Variants in CREB5 observed in about 807,000 individuals in gnomAD.
The protein encoded by CREB5 is cAMP responsive element binding protein 5.
Under a neutral mutation model 57.1 loss-of-function variants are expected in CREB5, and 19 were observed. The observed-to-expected ratio is 0.33, with a 90% CI of 0.23 to 0.49. The LOEUF is 0.49. CREB5 is among the 20% of genes least tolerant of loss of function. The pLI is 0.99. For synonymous variants in CREB5, 238 were observed against 238.3 expected (o/e 1.00, Z 0.01); for missense variants, 579 against 671.6 (o/e 0.86, Z 1.52).
chr7:28,675,888 A>G (rs1457357713), intron 5 of CREB5, among the ~76,000 whole-genome samples: 1 of 152,180 alleles, frequency 6.6e-6, no homozygotes, highest in Non-Finnish European at 1.5e-5. Context: ...CATTTTTACC[A>G]AATGGAAAGG....
chr7:28,651,148 A>G (rs1173006540), intron 5 of CREB5, among the ~76,000 whole-genome samples: 1 of 152,210 alleles, frequency 6.6e-6, no homozygotes, highest in Non-Finnish European at 1.5e-5. Context: ...ATTAACCTGT[A>G]AAACCAATAT....
At chr7:28,339,240 G>A (rs996573494) in intron 1 of CREB5, among the ~76,000 whole-genome samples, 1 of 152,024 alleles carries the variant, frequency 6.6e-6, no homozygotes, top group Admixed American at 6.6e-5. Context: ...TCACAGTATG[G>A]GCATGTTTGT....
chr7:28,411,526 G>A (rs533862448), upstream of CREB5, among the ~76,000 whole-genome samples: 204 of 126,966 alleles, frequency 1.6e-3, 2 homozygotes, highest in South Asian at 0.03. Context: ...CTTGTTGCAA[G>A]GGATCAAAGT....
At position 28,809,427 on chromosome 7, in the gene CREB5, G is replaced by T; in HGVS notation, c.1254+13G>T. Reference sequence around the variant, plus strand: ...CATGCAGCTTCAGGTGCAGCCCACGGTGTCTTTCCCCGCGACTCAAAGGCC... The same window carrying T: ...CATGCAGCTTCAGGTGCAGCCCACGTTGTCTTTCCCCGCGACTCAAAGGCC... On this transcript the variant is annotated intron_variant, in intron 9 of 10. Transcript: ENST00000357727. The T allele has an allele frequency of 6.3e-7, 1 of 1,595,142 alleles. No homozygotes were observed.
Position 28,638,880 on chromosome 7 carries a change from A to G in CREB5, c.464+68343A>G, listed in dbSNP as rs150431676. Among the ~76,000 whole-genome samples, 715 of 152,316 alleles carry G rather than the reference A, an allele frequency of 4.7e-3. 6 individuals are homozygous for G. Among genetic ancestry groups the G allele is most frequent in the Non-Finnish European group, 6.8e-3 (460 of 68,030 alleles). On this transcript the variant is annotated intron_variant, in intron 5 of 10. Coordinates refer to ENST00000357727, the MANE Select transcript of CREB5 (RefSeq NM_182898.4). ...AGTGGTCAGATCATAAGTAGAGAGT[A>G]CTTTGTATACTTCTTCCCAAATCCC...
intron 5 of CREB5, among the ~76,000 whole-genome samples, chr7:28,695,630 G>A (rs1165427202): frequency 6.6e-6 from 1 of 152,108 alleles, no homozygotes; most frequent in Non-Finnish European, 1.5e-5. Context: ...AATAGCATTG[G>A]GGTAAATGTC....
intron 5 of CREB5, among the ~76,000 whole-genome samples, chr7:28,593,414 A>G (rs1053314273): frequency 6.6e-6 from 1 of 151,956 alleles, no homozygotes; most frequent in African/African-American, 2.4e-5. Context: ...ACGCCTGGCT[A>G]ATTTTTGTAT....
At chr7:28,391,578 T>C (rs1186460083) in intron 1 of CREB5, among the ~76,000 whole-genome samples, 2 of 152,210 alleles carry the variant, frequency 1.3e-5, no homozygotes, top group East Asian at 3.8e-4. Context: ...TTTGCTGTGA[T>C]ATAAGATCTA....
intron 5 of CREB5, among the ~76,000 whole-genome samples, chr7:28,582,400 T>C (rs945100326): frequency 5.9e-5 from 9 of 152,224 alleles, no homozygotes; most frequent in Non-Finnish European, 8.8e-5. Context: ...GTCACAGTAG[T>C]GTATTGTTTG....
intron 1 of CREB5, among the ~76,000 whole-genome samples, chr7:28,483,867 A>AG (rs1383536290): frequency 6.6e-6 from 1 of 152,194 alleles, no homozygotes. Context: ...CTCTGGCCAT[A>AG]ACTGTCAACA....
intron 1 of CREB5, among the ~76,000 whole-genome samples, chr7:28,473,435 T>C (rs567613107): frequency 1.2e-4 from 18 of 152,244 alleles, no homozygotes; most frequent in Non-Finnish European, 2.2e-4. Context: ...TGGTCACTTT[T>C]TTGATTTCTG....
At chr7:28,598,731 T>A (rs1231118186) in intron 5 of CREB5, among the ~76,000 whole-genome samples, 1 of 152,136 alleles carries the variant, frequency 6.6e-6, no homozygotes. Context: ...CCTGGCTCAA[T>A]TTACATTCTG....
At chr7:28,790,478 G>A (rs993932824) in intron 7 of CREB5, among the ~76,000 whole-genome samples, 3 of 148,448 alleles carry the variant, frequency 2.0e-5, no homozygotes, top group Admixed American at 2.0e-4. Context: ...GAGAGAGAAA[G>A]AAAGAAAGAA....
At chr7:28,386,661 T>A (rs1787110758) in intron 1 of CREB5, among the ~76,000 whole-genome samples, 1 of 152,252 alleles carries the variant, frequency 6.6e-6, no homozygotes. Context: ...TTTGTGATTC[T>A]ATTCTCCATT....
chr7:28,621,571 G>A (rs1797792497), intron 5 of CREB5, among the ~76,000 whole-genome samples: 1 of 152,054 alleles, frequency 6.6e-6, no homozygotes, highest in Admixed American at 6.6e-5. Context: ...GTCTTGTTTT[G>A]TTTTACACAG....
chr7:28,331,510 C>T (rs1212329535), intron 1 of CREB5, among the ~76,000 whole-genome samples: 1 of 152,136 alleles, frequency 6.6e-6, no homozygotes, highest in Non-Finnish European at 1.5e-5. Flanking sequence ...CAGACGTGTG[C>T]AAATGACTAA....
At chr7:28,474,006 G>T (rs558980682) in intron 1 of CREB5, among the ~76,000 whole-genome samples, 1 of 152,158 alleles carries the variant, frequency 6.6e-6, no homozygotes, top group Non-Finnish European at 1.5e-5. Context: ...GTTTGATTTT[G>T]CTTTCTTTTC....
intron 1 of CREB5, among the ~76,000 whole-genome samples, chr7:28,422,490 A>C (rs1331554047): frequency 6.6e-6 from 1 of 152,152 alleles, no homozygotes; most frequent in African/African-American, 2.4e-5. Context: ...AATTAGGTAA[A>C]AGCTATGAGC....
At chr7:28,560,866 C>CGCGTGCG (rs1562797336) in intron 4 of CREB5, among the ~76,000 whole-genome samples, 2 of 50,264 alleles carry the variant, frequency 4.0e-5, no homozygotes, top group Non-Finnish European at 8.6e-5. Context: ...GTGCGTGTGC[C>CGCGTGCG]TGCGTGCGCG....
Sources: gnomAD v4.1 joint callset for allele counts (sites outside exome capture counted in the v4.1 genomes callset) on GRCh38, gnomAD v4.1.1 for gene constraint, MANE v1.5 for transcripts, NCBI Gene and HGNC (gene_info 2026-07-23, HGNC 2026-07-21) for gene names.